SCFD1: variants seen among roughly 807,000 people sequenced by gnomAD.
The protein encoded by SCFD1 is sec1 family domain-containing protein 1.
Under a neutral mutation model 103.2 loss-of-function variants are expected in SCFD1, and 37 were observed. The ratio of observed to expected loss-of-function variants is 0.36; its 90% CI spans 0.28 to 0.47. The LOEUF is 0.47. SCFD1 is among the 20% of genes least tolerant of loss of function. The probability of loss-of-function intolerance (pLI) is 1.00; values close to 1 mark genes in which losing one functional copy is unlikely to be tolerated. For missense variants in SCFD1, 639 were observed against 761.2 expected, an observed-to-expected ratio of 0.84 and a Z score of 1.89; for synonymous variants, 264 against 245.0, an observed-to-expected ratio of 1.08 and a Z score of -0.73.
intron 23 of SCFD1, among the ~76,000 whole-genome samples, chr14:30,725,810 A>G (rs1009671434): frequency 2.0e-5 from 3 of 151,728 alleles, no homozygotes; most frequent in African/African-American, 7.3e-5. Flanking sequence ...CATAGCAAAA[A>G]TTAAGTTGCT....
At chr14:30,694,606 G>A (rs1437624479) in intron 14 of SCFD1, among the ~76,000 whole-genome samples, 167 bp from the exon 15 acceptor site, 4 of 152,144 alleles carry the variant, frequency 2.6e-5, no homozygotes, top group Admixed American at 2.6e-4. Context: ...GGGAAGTTGA[G>A]ATTGCACCAC....
At chr14:30,730,518 CTGT>C (rs1275734311) in intron 23 of SCFD1, among the ~76,000 whole-genome samples, 1 of 152,200 alleles carries the variant, frequency 6.6e-6, no homozygotes, top group Non-Finnish European at 1.5e-5. Flanking sequence ...TCTCCAGCAC[CTGT>C]TGTTCCCTGA....
At chr14:30,700,065 C>G in intron 15 of SCFD1, 123 bp from the exon 16 acceptor site, 1 of 668,554 alleles carries the variant, frequency 1.5e-6, no homozygotes, top group Non-Finnish European at 2.6e-6. Flanking sequence ...TTAGTTAAAT[C>G]AAGAGCCATG....
intron 17 of SCFD1, among the ~76,000 whole-genome samples, chr14:30,705,295 T>C (rs1398818862): frequency 6.6e-6 from 1 of 152,172 alleles, no homozygotes; most frequent in East Asian, 1.9e-4. Flanking sequence ...AAGGACAGCA[T>C]GAGCAAAGGC....
At chr14:30,708,696 T>C (rs1012419251) in intron 19 of SCFD1, among the ~76,000 whole-genome samples, 1 of 152,126 alleles carries the variant, frequency 6.6e-6, no homozygotes, top group Non-Finnish European at 1.5e-5. Context: ...CAGAGAATAT[T>C]AATAAGCTAA....
intron 14 of SCFD1, 97 bp downstream of exon 14, chr14:30,675,162 C>A (rs1178455684): frequency 1.3e-5 from 7 of 539,500 alleles, no homozygotes; most frequent in African/African-American, 9.8e-5. Flanking sequence ...TATTGAGTCC[C>A]CACTGTAACA....
At chr14:30,638,589 A>G (rs1884969224) in intron 5 of SCFD1, among the ~76,000 whole-genome samples, 1 of 152,150 alleles carries the variant, frequency 6.6e-6, no homozygotes. Flanking sequence ...GTATGTTGAC[A>G]TTGTTTTATC....
At chr14:30,717,774 C>G (rs1178841530) in intron 20 of SCFD1, among the ~76,000 whole-genome samples, 1 of 151,190 alleles carries the variant, frequency 6.6e-6, no homozygotes, top group Admixed American at 6.6e-5. Context: ...ATCCAAGCTA[C>G]TCTGGAGGCT....
intron 19 of SCFD1, among the ~76,000 whole-genome samples, chr14:30,711,686 G>GTTAA (rs1891884585): frequency 6.6e-6 from 1 of 152,040 alleles, no homozygotes; most frequent in South Asian, 2.1e-4. Context: ...ATAAATCACT[G>GTTAA]TTAATTATGT....
chr14:30,718,445 C>G (rs1415900317), intron 20 of SCFD1, among the ~76,000 whole-genome samples: 1 of 152,188 alleles, frequency 6.6e-6, no homozygotes, highest in Admixed American at 6.5e-5. Context: ...TTTTACTTAA[C>G]TAGGAAAAAG....
chr14:30,712,084 AAG>A lies in SCFD1; in HGVS notation c.1630-3836_1630-3835del, dbSNP rs538811835. ...CTGGTTTATAATTTTAAATTTTGGAAAGAGACAGCCCATCTTATTCCCTCTCC... is the reference window on the plus strand; with the variant it reads ...CTGGTTTATAATTTTAAATTTTGGAAAGACAGCCCATCTTATTCCCTCTCC... On this transcript the variant is annotated intron_variant, in intron 19 of 24. Coordinates refer to ENST00000458591, the MANE Select transcript of SCFD1 (RefSeq NM_016106.4). Among the ~76,000 whole-genome samples the A allele has an allele frequency of 1.7e-3, 243 of 145,748 alleles. 1 individual carries two copies. Among genetic ancestry groups the A allele is most frequent in the Non-Finnish European group, 3.0e-3 (194 of 65,120 alleles).
chr14:30,730,105 A>G (rs1229187342), intron 23 of SCFD1, among the ~76,000 whole-genome samples: 4 of 152,020 alleles, frequency 2.6e-5, no homozygotes, highest in Admixed American at 2.6e-4. Context: ...GAGAACATGC[A>G]GTGTTTGGTT....
At chr14:30,710,656 A>C (rs772852446) in intron 19 of SCFD1, among the ~76,000 whole-genome samples, 17 of 152,164 alleles carry the variant, frequency 1.1e-4, no homozygotes. Context: ...AATATTACCA[A>C]ATTATCCTCG....
intron 23 of SCFD1, among the ~76,000 whole-genome samples, chr14:30,728,226 A>G (rs1032076737): frequency 2.0e-5 from 3 of 152,138 alleles, no homozygotes; most frequent in Non-Finnish European, 4.4e-5. Flanking sequence ...CACACATTCC[A>G]TCATGCAACT....
At chr14:30,735,562 G>A in intron 24 of SCFD1, 24 bp from the exon 25 acceptor site, 3 of 1,530,766 alleles carry the variant, frequency 2.0e-6, no homozygotes, top group Non-Finnish European at 2.7e-6. Flanking sequence ...AAAGTTTTAT[G>A]TATGATTTTG....
At chr14:30,721,838 T>C (rs1267778489) in intron 21 of SCFD1, 46 bp from the exon 22 acceptor site, 1 of 1,514,494 alleles carries the variant, frequency 6.6e-7, no homozygotes. Context: ...TTATTCATAA[T>C]AAAAGCCATG....
chr14:30,652,522 A>G (rs910874951), intron 9 of SCFD1: 2 of 152,166 alleles, frequency 1.3e-5, no homozygotes, highest in African/African-American at 4.8e-5. Context: ...GAAAAAAATT[A>G]TAATTTATGA....
At chr14:30,668,245 C>G (rs1410068158) in intron 10 of SCFD1, among the ~76,000 whole-genome samples, 2 of 152,118 alleles carry the variant, frequency 1.3e-5, no homozygotes, top group Non-Finnish European at 1.5e-5. Context: ...AATAACACCA[C>G]ACATCTGCAA....
At chr14:30,624,480 T>G (rs562365634) in intron 1 of SCFD1, among the ~76,000 whole-genome samples, 2 of 152,306 alleles carry the variant, frequency 1.3e-5, no homozygotes, top group South Asian at 4.1e-4. Flanking sequence ...CCTTGAAGTT[T>G]TCTTGACTTG....
Sources: gnomAD v4.1 joint callset for allele counts (sites outside exome capture counted in the v4.1 genomes callset) on GRCh38, gnomAD v4.1.1 for gene constraint, MANE v1.5 for transcripts, NCBI Gene and HGNC (gene_info 2026-07-23, HGNC 2026-07-21) for gene names.